The following ATG10 variants were observed in gnomAD, a reference collection of about 807,000 sequenced individuals.
ATG10 encodes autophagy related 10.
In ATG10, 30 loss-of-function variants were observed where a neutral mutation model predicts 32.1. The observed-to-expected ratio is 0.94, with a 90% confidence interval of 0.70 to 1.27. The LOEUF (loss-of-function observed/expected upper bound fraction) is 1.27. ATG10 is among the 50% of genes most tolerant of loss of function. ATG10 has a pLI of 0.00. For synonymous variants in ATG10, 87 were observed against 91.5 expected (o/e 0.95, Z 0.28); for missense variants, 233 against 262.3 (o/e 0.89, Z 0.77).
chr5:82,052,972 G>A (rs1763476778), intron 2 of ATG10, among the ~76,000 whole-genome samples: 1 of 152,100 alleles, frequency 6.6e-6, no homozygotes, highest in Non-Finnish European at 1.5e-5. Context: ...CTACATATGT[G>A]ACTATATCCA....
At chr5:82,053,427 T>G (rs1444872352) in intron 2 of ATG10, among the ~76,000 whole-genome samples, 4 of 151,104 alleles carry the variant, frequency 2.6e-5, no homozygotes, top group African/African-American at 9.7e-5. Flanking sequence ...CAAATGCTTT[T>G]TCACATTTTG....
intron 3 of ATG10, among the ~76,000 whole-genome samples, chr5:82,131,023 G>A (rs566134177): frequency 3.9e-5 from 6 of 152,086 alleles, no homozygotes; most frequent in South Asian, 4.2e-4. Flanking sequence ...GCTAAGCATC[G>A]AACACACATG....
At chr5:82,243,123 A>G (rs1746872436) in intron 5 of ATG10, among the ~76,000 whole-genome samples, 2 of 152,266 alleles carry the variant, frequency 1.3e-5, no homozygotes, top group African/African-American at 4.8e-5. Context: ...AAATTTAAGA[A>G]TAACCACTAA....
chr5:82,219,528 T>C (rs1213471044), intron 5 of ATG10, among the ~76,000 whole-genome samples: 1 of 151,754 alleles, frequency 6.6e-6, no homozygotes, highest in Admixed American at 6.6e-5. Flanking sequence ...GCCTTGTCTT[T>C]GTAGCTAGTG....
chr5:82,014,454 G>C (rs1762220715), intron 2 of ATG10, among the ~76,000 whole-genome samples: 1 of 152,116 alleles, frequency 6.6e-6, no homozygotes, highest in African/African-American at 2.4e-5. Context: ...TTATTATTGT[G>C]TGGGAGTCTA....
intron 5 of ATG10, among the ~76,000 whole-genome samples, chr5:82,182,479 A>G (rs1192940153): frequency 3.3e-5 from 5 of 152,140 alleles, no homozygotes; most frequent in African/African-American, 1.2e-4. Context: ...AGGTGTCTTC[A>G]GTGGGTAGAT....
intron 2 of ATG10, among the ~76,000 whole-genome samples, chr5:82,006,581 T>C (rs1289084803): frequency 1.3e-5 from 2 of 152,164 alleles, no homozygotes; most frequent in Non-Finnish European, 2.9e-5. Context: ...TTAAAATTAA[T>C]GAATGAATTC....
At chr5:82,095,386 GC>G (rs2149796926) in intron 3 of ATG10, among the ~76,000 whole-genome samples, 1 of 151,912 alleles carries the variant, frequency 6.6e-6, no homozygotes, top group Non-Finnish European at 1.5e-5. Context: ...TAAACACTTG[GC>G]AAAAAATAGG....
At chr5:82,213,666 A>G (rs1326464732) in intron 5 of ATG10, among the ~76,000 whole-genome samples, 3 of 152,216 alleles carry the variant, frequency 2.0e-5, no homozygotes, top group Non-Finnish European at 4.4e-5. Flanking sequence ...GGCCAACTCC[A>G]TGCATATTCC....
intron 2 of ATG10, among the ~76,000 whole-genome samples, chr5:82,033,729 A>AACACACACACACAC (rs59922803): frequency 1.4e-5 from 2 of 146,254 alleles, no homozygotes; most frequent in Non-Finnish European, 3.0e-5. Context: ...ATACTATACA[A>AACACACACACACAC]ACACACACAC....
At chr5:82,233,453 T>C (rs906694665) in intron 5 of ATG10, among the ~76,000 whole-genome samples, 1 of 152,258 alleles carries the variant, frequency 6.6e-6, no homozygotes, top group Non-Finnish European at 1.5e-5. Flanking sequence ...GTTTATATTA[T>C]ATTTGTGTGG....
At chr5:82,097,291 T>G (rs1765103172) in intron 3 of ATG10, among the ~76,000 whole-genome samples, 1 of 152,122 alleles carries the variant, frequency 6.6e-6, no homozygotes, top group Non-Finnish European at 1.5e-5. Flanking sequence ...ACCCAAATAT[T>G]CCTGATAAAG....
chr5:82,066,131 C>A (rs914698519), intron 3 of ATG10, among the ~76,000 whole-genome samples: 1 of 152,032 alleles, frequency 6.6e-6, no homozygotes, highest in South Asian at 2.1e-4. Flanking sequence ...CTATGTAACT[C>A]GTGTTCTAGC....
At chr5:82,003,442 G>A (rs1203938158) in intron 2 of ATG10, among the ~76,000 whole-genome samples, 1 of 152,158 alleles carries the variant, frequency 6.6e-6, no homozygotes, top group Non-Finnish European at 1.5e-5. Context: ...CTGAGCCTGG[G>A]TTTTCTTATT....
rs181129830 is a variant in ATG10, at chr5:81,982,415, G to A, written c.-12-5144G>A. Among the ~76,000 whole-genome samples, 335 of 152,170 alleles carry A rather than the reference G, an allele frequency of 2.2e-3. 1 individual carries two copies. The highest frequency in any genetic ancestry group is 1.9e-3 in the Non-Finnish European group (126 of 68,020). ...CGGGAGGTGGAGGTTGTAGTGAACC[G>A]ATATCATGCCACTGCCTGGGCGATT... On this transcript the variant is annotated intron_variant, in intron 1 of 7. Coordinates refer to ENST00000282185, the MANE Select transcript of ATG10 (RefSeq NM_031482.5).
At chr5:82,077,678 G>A (rs935016462) in intron 3 of ATG10, among the ~76,000 whole-genome samples, 3 of 152,098 alleles carry the variant, frequency 2.0e-5, no homozygotes, top group African/African-American at 4.8e-5. Flanking sequence ...GCCTGAAAGC[G>A]CGGTAGTGCA....
intron 3 of ATG10, among the ~76,000 whole-genome samples, chr5:82,139,714 G>T (rs1378149932): frequency 5.5e-5 from 8 of 144,812 alleles, no homozygotes; most frequent in South Asian, 2.3e-4. Context: ...GGGAGGTGGG[G>T]GGGGGTCAGC....
At chr5:82,196,727 A>G (rs1744864668) in intron 5 of ATG10, among the ~76,000 whole-genome samples, 1 of 152,160 alleles carries the variant, frequency 6.6e-6, no homozygotes, top group Admixed American at 6.6e-5. Flanking sequence ...CTGGACGCCA[A>G]ATTCTATTCC....
intron 5 of ATG10, among the ~76,000 whole-genome samples, chr5:82,225,264 AT>A (rs1746079409): frequency 6.6e-6 from 1 of 152,216 alleles, no homozygotes. Context: ...AAAATAACTT[AT>A]GCCAGCACTG....
Sources: allele counts gnomAD v4.1 joint callset (sites outside exome capture counted in the v4.1 genomes callset), GRCh38; gene constraint gnomAD v4.1.1; transcripts MANE v1.5; gene names NCBI Gene and HGNC (gene_info 2026-07-23, HGNC 2026-07-21).